B3GALT1: variants seen among roughly 807,000 people sequenced by gnomAD.
B3GALT1 encodes UDP-Gal:betaGlcNAc beta 1,3-galactosyltransferase, polypeptide 1.
A neutral mutation model predicts 23.2 loss-of-function variants in B3GALT1; 10 were observed. That is an observed-to-expected ratio of 0.43 (90% CI 0.27 to 0.73). The LOEUF (loss-of-function observed/expected upper bound fraction) is 0.73. B3GALT1 is among the 30% of genes least tolerant of loss of function. B3GALT1 has a pLI of 0.21. For synonymous variants in B3GALT1, 156 were observed against 141.5 expected, an observed-to-expected ratio of 1.10 and a Z score of -0.73; for missense variants, 299 against 405.4, an observed-to-expected ratio of 0.74 and a Z score of 2.25.
intron 2 of B3GALT1, among the ~76,000 whole-genome samples, chr2:167,566,147 T>C (rs1411786718): frequency 6.6e-6 from 1 of 152,160 alleles, no homozygotes; most frequent in African/African-American, 2.4e-5. Flanking sequence ...GTGGTACATA[T>C]ACACCATGGA....
intron 1 of B3GALT1, among the ~76,000 whole-genome samples, chr2:167,353,089 T>G (rs138317852): frequency 4.6e-5 from 7 of 152,278 alleles, no homozygotes; most frequent in African/African-American, 7.2e-5. Flanking sequence ...TTGACTGGTT[T>G]ATTCAGTCTT....
At chr2:167,762,580 TAA>T (rs11439436) in intron 3 of B3GALT1, among the ~76,000 whole-genome samples, 5 of 108,978 alleles carry the variant, frequency 4.6e-5, no homozygotes, top group Admixed American at 9.6e-5. Flanking sequence ...GGACCAAAAA[TAA>T]AAAAAAAAAA....
chr2:167,622,889 T>G (rs932224202), intron 2 of B3GALT1, among the ~76,000 whole-genome samples: 17 of 152,094 alleles, frequency 1.1e-4, no homozygotes, highest in Non-Finnish European at 2.2e-4. Flanking sequence ...CCCGTTAGAT[T>G]AGTTACAAAA....
rs367855753 is a variant in B3GALT1, at chr2:167,866,935, C to CT, written c.-229-1867dup. On this transcript the variant is annotated intron_variant, in intron 4 of 4. Transcript: ENST00000392690. ...TCTGTATATCCCAAGTTGAGAAGCT[C>CT]TTTTTTTTTGAGACGGAGTCTCACT... Among the ~76,000 whole-genome samples the CT allele has an allele frequency of 3.0e-4, 46 of 151,178 alleles. 1 individual carries two copies. Among genetic ancestry groups the CT allele is most frequent in the East Asian group, 9.8e-4 (5 of 5,118 alleles).
intron 4 of B3GALT1, among the ~76,000 whole-genome samples, chr2:167,837,005 C>T (rs1689495221): frequency 6.6e-6 from 1 of 152,056 alleles, no homozygotes; most frequent in Non-Finnish European, 1.5e-5. Flanking sequence ...CCAGGCCTGC[C>T]CTAAAAGAGC....
At chr2:167,465,153 AAAGT>A (rs1347040533) in intron 1 of B3GALT1, among the ~76,000 whole-genome samples, 2 of 152,210 alleles carry the variant, frequency 1.3e-5, no homozygotes, top group African/African-American at 2.4e-5. Flanking sequence ...AATAGTTAAT[AAAGT>A]AAGAGAAAAA....
intron 1 of B3GALT1, among the ~76,000 whole-genome samples, chr2:167,425,966 C>CA (rs1242111494): frequency 6.6e-6 from 1 of 151,992 alleles, no homozygotes; most frequent in Non-Finnish European, 1.5e-5. Context: ...ACCTTTTTTT[C>CA]ATTCCCTCAG....
intron 3 of B3GALT1, among the ~76,000 whole-genome samples, chr2:167,726,180 T>G (rs1457135598): frequency 6.6e-6 from 1 of 152,206 alleles, no homozygotes; most frequent in Admixed American, 6.5e-5. Flanking sequence ...TTCTCCAGCT[T>G]AGGTCTGCCC....
chr2:167,336,755 A>G (rs1470286174), intron 1 of B3GALT1, among the ~76,000 whole-genome samples: 1 of 152,040 alleles, frequency 6.6e-6, no homozygotes, highest in African/African-American at 2.4e-5. Context: ...AAATTTATTT[A>G]TTTATGGTAT....
Position 167,776,433 on chromosome 2 carries a change from C to T in B3GALT1, c.-351-42239C>T, listed in dbSNP as rs117509530. 1.1e-3 allele frequency among the ~76,000 whole-genome samples: 166 copies of T among 152,298 alleles called. 2 individuals are homozygous for T. The East Asian group carries it at 0.026, about 24-fold the overall frequency. On this transcript the variant is annotated intron_variant, in intron 3 of 4. Transcript: ENST00000392690. ...ATTACTTTACCTTACTAAACGTTTT[C>T]TCTAAAGTATGAAAGACAGAGCTGA...
At chr2:167,617,382 G>A (rs1685178793) in intron 2 of B3GALT1, among the ~76,000 whole-genome samples, 1 of 151,942 alleles carries the variant, frequency 6.6e-6, no homozygotes, top group African/African-American at 2.4e-5. Context: ...CCTATCAATG[G>A]CAAAGAGACA....
At chr2:167,329,064 C>T (rs1390639273) in intron 1 of B3GALT1, among the ~76,000 whole-genome samples, 7 of 152,144 alleles carry the variant, frequency 4.6e-5, no homozygotes, top group Admixed American at 2.6e-4. Context: ...CCACCTACCT[C>T]GGCCTCCCAA....
At chr2:167,715,038 C>T (rs1687122027) in intron 3 of B3GALT1, 10 of 1,611,574 alleles carry the variant, frequency 6.2e-6, no homozygotes, top group Non-Finnish European at 8.5e-6. Flanking sequence ...GTTTTGTCCA[C>T]TTCAGATAAC....
chr2:167,548,897 C>A (rs1352804872), intron 2 of B3GALT1, among the ~76,000 whole-genome samples: 1 of 152,046 alleles, frequency 6.6e-6, no homozygotes, highest in Non-Finnish European at 1.5e-5. Context: ...AATATTTAAT[C>A]TCTTCTGTTC....
intron 2 of B3GALT1, among the ~76,000 whole-genome samples, chr2:167,549,178 A>G (rs1341856254): frequency 2.0e-5 from 3 of 152,196 alleles, no homozygotes; most frequent in African/African-American, 4.8e-5. Context: ...TTTGTTAGCT[A>G]TTTATAACAG....
chr2:167,482,572 C>G (rs546832927), intron 1 of B3GALT1, among the ~76,000 whole-genome samples: 19 of 152,330 alleles, frequency 1.2e-4, no homozygotes, highest in Non-Finnish European at 2.5e-4. Flanking sequence ...CAAAAATCTT[C>G]TCTTCGAACC....
intron 3 of B3GALT1, among the ~76,000 whole-genome samples, chr2:167,803,459 T>TAGA (rs1688681729): frequency 6.6e-6 from 1 of 152,178 alleles, no homozygotes; most frequent in African/African-American, 2.4e-5. Context: ...TATGTGGAGT[T>TAGA]TTCTGTCGTC....
intron 1 of B3GALT1, among the ~76,000 whole-genome samples, chr2:167,420,567 AC>A (rs1191743886): frequency 1.3e-5 from 2 of 152,220 alleles, no homozygotes; most frequent in Non-Finnish European, 2.9e-5. Context: ...CTCAGAAAAG[AC>A]TAGTGAACAC....
Position 167,569,594 on chromosome 2 carries a change from C to T in B3GALT1, c.-409-77315C>T, listed in dbSNP as rs180993191. On this transcript the variant is annotated intron_variant, in intron 2 of 4. Coordinates refer to ENST00000392690, the MANE Select transcript of B3GALT1 (RefSeq NM_020981.4). ...TTCTTTTGAATTTTCTAGACAATCA[C>T]GTCATTTGCAAACAATGAGCATTTT... is the stretch of plus-strand genomic sequence containing the variant. Among the ~76,000 whole-genome samples the T allele has an allele frequency of 1.1e-3, 169 of 151,908 alleles. 1 individual carries two copies. The highest frequency in any genetic ancestry group is 3.7e-3 in the African/African-American group (152 of 41,510).
Sources: gnomAD v4.1 joint callset for allele counts (sites outside exome capture counted in the v4.1 genomes callset) on GRCh38, gnomAD v4.1.1 for gene constraint, MANE v1.5 for transcripts, NCBI Gene and HGNC (gene_info 2026-07-23, HGNC 2026-07-21) for gene names.